TP73: variants seen among roughly 807,000 people sequenced by gnomAD.
The protein encoded by TP73 is p53-like transcription factor.
In TP73, 25 loss-of-function variants were observed where a neutral mutation model predicts 62.5. The ratio of observed to expected loss-of-function variants is 0.40; its 90% confidence interval spans 0.29 to 0.56. The LOEUF (loss-of-function observed/expected upper bound fraction) is 0.56. Among genes scored for constraint, TP73 ranks in the 20% least tolerant of loss-of-function variants. TP73 has a pLI of 0.46. For synonymous variants in TP73, 423 were observed against 377.5 expected, an observed-to-expected ratio of 1.12 and a Z score of -1.40; for missense variants, 754 against 913.3, an observed-to-expected ratio of 0.83 and a Z score of 2.25.
rs1388274366 is a variant in TP73, at chr1:3,728,221, A to T, written c.1074+4A>T. ...CGAGGACACGTACTACCTTCAGGTG[A>T]GTGTGTGCTCCTGCACGGCAGCCGG... On this transcript the variant is annotated splice_donor_region_variant and intron_variant, in intron 9 of 13. Coordinates refer to ENST00000378295, the MANE Select transcript of TP73 (RefSeq NM_005427.4). The T allele has an allele frequency of 6.2e-7, 1 of 1,610,818 alleles. No individual in the cohort carries two copies. The highest frequency in any genetic ancestry group is 8.5e-7 in the Non-Finnish European group (1 of 1,179,654).
At chr1:3,677,050 G>T (rs1013688050) in intron 1 of TP73, among the ~76,000 whole-genome samples, 3 of 152,068 alleles carry the variant, frequency 2.0e-5, no homozygotes, top group Non-Finnish European at 4.4e-5. Context: ...GTCAAACCGA[G>T]AAGTCATCAG....
intron 1 of TP73, among the ~76,000 whole-genome samples, chr1:3,661,739 T>TAA (rs1491026341): frequency 4.6e-5 from 6 of 129,934 alleles, no homozygotes; most frequent in Non-Finnish European, 1.7e-5. Context: ...TATATATATA[T>TAA]AATATGTATT....
intron 1 of TP73, among the ~76,000 whole-genome samples, chr1:3,675,564 G>A (rs1302372806): frequency 6.6e-6 from 1 of 152,136 alleles, no homozygotes; most frequent in Non-Finnish European, 1.5e-5. Flanking sequence ...CCAGTGTCCG[G>A]GATGGCTGGG....
intron 4 of TP73, among the ~76,000 whole-genome samples, chr1:3,715,625 C>T (rs1379455584): frequency 6.6e-6 from 1 of 152,082 alleles, no homozygotes; most frequent in Non-Finnish European, 1.5e-5. Context: ...TGAGGGTGGA[C>T]CCAGGTGCCC....
intron 7 of TP73, 187 bp from the exon 8 acceptor site, chr1:3,727,441 A>G (rs1641742655): frequency 3.0e-6 from 3 of 1,002,656 alleles, no homozygotes; most frequent in Admixed American, 2.6e-5. Flanking sequence ...GCGAGGTCTC[A>G]GGGCAGCCTC....
chr1:3,653,839 A>G (rs1188543181), intron 1 of TP73, among the ~76,000 whole-genome samples: 1 of 152,228 alleles, frequency 6.6e-6, no homozygotes, highest in Non-Finnish European at 1.5e-5. Flanking sequence ...ATGTTGCCAT[A>G]TATGAATGTA....
intron 9 of TP73, among the ~76,000 whole-genome samples, chr1:3,728,992 A>AAGAGAGAGAG (rs3034587): frequency 4.6e-4 from 70 of 150,834 alleles, no homozygotes; most frequent in Non-Finnish European, 5.8e-4. Context: ...TGTCGAAAGA[A>AAGAGAGAGAG]AGAGAGAGAG....
rs545560646 is a variant in TP73, at chr1:3,733,913, G to A, written c.*834G>A. The A allele has an allele frequency of 7.0e-6, 1 of 142,090 alleles. No individual in the cohort carries two copies. The highest frequency in any genetic ancestry group is 1.5e-5 in the Non-Finnish European group (1 of 65,242). The allele number at this position is 142,090 out of a possible 1,614,324, so 8.8% of individuals were successfully genotyped here. On this transcript the variant is annotated 3_prime_UTR_variant, in exon 14 of 14. Transcript: ENST00000378295. ...AAATGATACCCTTTTCTACATGGTG[G>A]GTCAGCTTTTTTTTTTTTTTTTTTA...
At chr1:3,687,469 C>T (rs539020476) in intron 3 of TP73, among the ~76,000 whole-genome samples, 240 of 152,302 alleles carry the variant, frequency 1.6e-3, no homozygotes, top group African/African-American at 5.1e-3. Context: ...TATCCTCACC[C>T]GGACCCACCC....
chr1:3,681,492 C>T (rs1020980526), intron 1 of TP73, among the ~76,000 whole-genome samples: 6 of 152,148 alleles, frequency 3.9e-5, no homozygotes, highest in Non-Finnish European at 5.9e-5. Flanking sequence ...CAAAGACCAG[C>T]GGACGGGCGC....
intron 1 of TP73, 128 bp from the exon 2 acceptor site, chr1:3,682,205 A>T: frequency 1.6e-6 from 1 of 614,496 alleles, no homozygotes; most frequent in Non-Finnish European, 2.6e-6. Flanking sequence ...AGGGAGGGCA[A>T]GGCGGGGGCA....
chr1:3,690,899 G>A (rs1427374799), intron 3 of TP73: 7 of 1,574,748 alleles, frequency 4.4e-6, no homozygotes, highest in East Asian at 2.4e-5. Flanking sequence ...ACCCCCCGGC[G>A]CCTACCATGC....
At chr1:3,712,495 C>T (rs1640232131) in intron 4 of TP73, 1 of 152,224 alleles carries the variant, frequency 6.6e-6, no homozygotes, top group South Asian at 2.1e-4. Context: ...GAGGCCCCAG[C>T]TCTGAGACCC....
chr1:3,720,628 T>C (rs1464698502), intron 4 of TP73, among the ~76,000 whole-genome samples: 1 of 152,214 alleles, frequency 6.6e-6, no homozygotes, highest in Non-Finnish European at 1.5e-5. Context: ...CCACCCACCA[T>C]GGCTCGCAGC....
At chr1:3,715,978 C>A (rs71634361) in intron 4 of TP73, among the ~76,000 whole-genome samples, 1 of 152,198 alleles carries the variant, frequency 6.6e-6, no homozygotes, top group Non-Finnish European at 1.5e-5. Context: ...GGGAGCCGCG[C>A]TTCCAGGCCG....
intron 4 of TP73, among the ~76,000 whole-genome samples, chr1:3,719,856 C>A (rs1640914037): frequency 6.6e-6 from 1 of 151,836 alleles, no homozygotes; most frequent in Non-Finnish European, 1.5e-5. Flanking sequence ...GCTGCTAGCT[C>A]TGCAAGGCTG....
At chr1:3,680,570 G>T (rs567542354) in intron 1 of TP73, among the ~76,000 whole-genome samples, 2 of 152,124 alleles carry the variant, frequency 1.3e-5, no homozygotes, top group Non-Finnish European at 2.9e-5. Flanking sequence ...ACATGCCTGG[G>T]ACCCCTCACT....
intron 3 of TP73, among the ~76,000 whole-genome samples, chr1:3,704,311 G>A (rs1206570986): frequency 6.6e-6 from 1 of 152,226 alleles, no homozygotes; most frequent in Non-Finnish European, 1.5e-5. Context: ...TGAGCGAGGT[G>A]TTTTCCGTTC....
intron 4 of TP73, among the ~76,000 whole-genome samples, chr1:3,715,596 T>C (rs1640526200): frequency 6.6e-6 from 1 of 151,998 alleles, no homozygotes. Flanking sequence ...CAGGCACCAG[T>C]GGGCAGTGGA....
Sources: allele counts gnomAD v4.1 joint callset (sites outside exome capture counted in the v4.1 genomes callset), GRCh38; gene constraint gnomAD v4.1.1; transcripts MANE v1.5; gene names NCBI Gene and HGNC (gene_info 2026-07-23, HGNC 2026-07-21).